The following TMOD2 variants were observed in gnomAD, a reference collection of about 807,000 sequenced individuals.
TMOD2 encodes the protein tropomodulin 2.
A neutral mutation model predicts 39.9 loss-of-function variants in TMOD2; 22 were observed. The observed-to-expected ratio is 0.55, with a 90% CI of 0.39 to 0.79. TMOD2 has a LOEUF of 0.79. TMOD2 is among the 30% of genes least tolerant of loss of function. TMOD2 has a pLI of 0.00. For synonymous variants in TMOD2, 123 were observed against 146.1 expected (o/e 0.84, Z 1.14); for missense variants, 386 against 413.3 (o/e 0.93, Z 0.57).
At position 51,766,506 on chromosome 15, in the gene TMOD2, G is replaced by A; in HGVS notation, c.65G>A (p.Gly22Asp). ...AACATTGATGAAGATGAGCTTCTTG[G>A]CAAACTCTCAGAAGAGGAACTGAAA... is the stretch of plus-strand genomic sequence containing the variant. ...YKNIDEDELLGKLSEEELKQL... is the reference protein window; with the variant it reads ...YKNIDEDELLDKLSEEELKQL... Residue 22 changes from glycine (G) to aspartate (D), a missense_variant, in exon 2 of 10, where the codon GGC (glycine) becomes GAC (aspartate). By Grantham distance (94) the Gly-to-Asp change is moderately conservative (BLOSUM62 -1). Transcript: ENST00000249700. 6.2e-7 allele frequency: 1 copy of A among 1,614,036 alleles called. No homozygotes were observed. The highest frequency in any genetic ancestry group is 8.5e-7 in the Non-Finnish European group (1 of 1,179,932).
Position 51,753,445 on chromosome 15 carries a change from A to G in TMOD2, c.-70+1733A>G, listed in dbSNP as rs76860368. Among the ~76,000 whole-genome samples, 8 of 152,276 alleles carry G rather than the reference A, an allele frequency of 5.3e-5. No homozygotes were observed. In the East Asian group the frequency reaches 1.5e-3, roughly 29 times the overall value. ...ACCTCTGTAGTGTTCCTGCAAAAAG[A>G]CTTGGCGATGGGGCAGAGCAAATGG... is the stretch of plus-strand genomic sequence containing the variant. On this transcript the variant is annotated intron_variant, in intron 1 of 9. Transcript: ENST00000249700.
intron 7 of TMOD2, among the ~76,000 whole-genome samples, chr15:51,795,631 TTTCTTTCTCC>T (rs1440062612): frequency 7.0e-6 from 1 of 143,884 alleles, no homozygotes; most frequent in African/African-American, 2.6e-5. Context: ...TCTTTCTTTC[TTTCTTTCTCC>T]TTCTGGAACT....
intron 3 of TMOD2, 41 bp from the exon 4 acceptor site, chr15:51,773,671 G>A (rs749059091): frequency 6.4e-7 from 1 of 1,566,784 alleles, no homozygotes; most frequent in South Asian, 1.2e-5. Context: ...TACCAATAAG[G>A]CAGTAGTACT....
intron 1 of TMOD2, among the ~76,000 whole-genome samples, chr15:51,761,346 G>A (rs1008460346): frequency 1.3e-5 from 2 of 152,184 alleles, no homozygotes; most frequent in African/African-American, 4.8e-5. Flanking sequence ...AGTGTTGGGA[G>A]TGTCTGACTG....
chr15:51,813,502 G>A lies in TMOD2; in HGVS notation c.*5048G>A, dbSNP rs997169504. On this transcript the variant is annotated 3_prime_UTR_variant, in exon 10 of 10. Coordinates refer to ENST00000249700, the MANE Select transcript of TMOD2 (RefSeq NM_014548.4). The stretch of plus-strand genomic sequence containing the variant: ...CTGAGCACATTGGCCCAGTTAGTTG[G>A]TATGGTGAAGGGGCACCGTACTAAC... 6.6e-6 allele frequency: 1 copy of A among 152,214 alleles called. No homozygotes were observed. Among genetic ancestry groups the A allele is most frequent in the African/African-American group, 2.4e-5 (1 of 41,444 alleles). The allele number at this position is 152,214 out of a possible 1,614,324, so 9.4% of individuals were successfully genotyped here.
At chr15:51,755,544 G>A (rs1439665556) in intron 1 of TMOD2, among the ~76,000 whole-genome samples, 1 of 152,174 alleles carries the variant, frequency 6.6e-6, no homozygotes, top group African/African-American at 2.4e-5. Flanking sequence ...GAGGAGAAAG[G>A]AGACAAGCTG....
At chr15:51,754,198 A>G (rs1567233180) in intron 1 of TMOD2, among the ~76,000 whole-genome samples, 1 of 152,168 alleles carries the variant, frequency 6.6e-6, no homozygotes. Context: ...CCCAAGAACC[A>G]TCCCGAAAGT....
At chr15:51,796,189 G>A (rs569456676) in intron 7 of TMOD2, among the ~76,000 whole-genome samples, 20 of 151,986 alleles carry the variant, frequency 1.3e-4, no homozygotes, top group African/African-American at 4.6e-4. Flanking sequence ...TAAAAAGGAG[G>A]CCCCTTTATT....
At chr15:51,771,049 G>A (rs1379598196) in intron 3 of TMOD2, among the ~76,000 whole-genome samples, 3 of 152,056 alleles carry the variant, frequency 2.0e-5, no homozygotes, top group Admixed American at 2.0e-4. Context: ...AGTGGCTATG[G>A]TAAATTATCT....
intron 1 of TMOD2, among the ~76,000 whole-genome samples, chr15:51,764,984 G>C (rs2093126583): frequency 6.6e-6 from 1 of 151,342 alleles, no homozygotes; most frequent in Non-Finnish European, 1.5e-5. Flanking sequence ...CTGTGATCTT[G>C]GGGAGAGGGG....
intron 3 of TMOD2, among the ~76,000 whole-genome samples, chr15:51,768,890 G>T (rs11636345): frequency 0.48 from 72,550 of 151,864 alleles, 17,642 homozygotes; most frequent in Admixed American, 0.54. Flanking sequence ...ATGAACTGGA[G>T]TCGGTGTTAA....
chr15:51,785,998 T>C (rs2055967293), intron 7 of TMOD2, among the ~76,000 whole-genome samples: 1 of 152,176 alleles, frequency 6.6e-6, no homozygotes, highest in Non-Finnish European at 1.5e-5. Context: ...ATAGTCATAG[T>C]ATAGTCTATA....
At chr15:51,767,998 T>C (rs938644099) in intron 2 of TMOD2, among the ~76,000 whole-genome samples, 1 of 152,200 alleles carries the variant, frequency 6.6e-6, no homozygotes, top group African/African-American at 2.4e-5. Flanking sequence ...CTCCATGTTT[T>C]AGGAGGCAGC....
chr15:51,788,273 G>T (rs1358283716), intron 7 of TMOD2, among the ~76,000 whole-genome samples: 1 of 152,172 alleles, frequency 6.6e-6, no homozygotes, highest in Non-Finnish European at 1.5e-5. Flanking sequence ...AAGGATATCA[G>T]TGATTGAAGT....
At chr15:51,755,921 G>A (rs1474184018) in intron 1 of TMOD2, among the ~76,000 whole-genome samples, 2 of 151,974 alleles carry the variant, frequency 1.3e-5, no homozygotes, top group Non-Finnish European at 2.9e-5. Context: ...AGGAAACCCG[G>A]TGCCAATCAG....
intron 1 of TMOD2, among the ~76,000 whole-genome samples, chr15:51,760,530 C>T (rs1188051115): frequency 1.3e-5 from 2 of 152,150 alleles, no homozygotes; most frequent in Non-Finnish European, 2.9e-5. Flanking sequence ...CTGGGCTGGG[C>T]GTGGTGGCTC....
In TMOD2 at chr15:51,806,416, C is replaced by T. The variant is rs1402047829; in HGVS notation, c.916C>T (p.Gln306Ter). Reference sequence around the variant, plus strand: ...AACAGCTGTAGAGATGGAAATTGCCCAGATGCTGGAGGAGAATTCAAGGAT... The same window carrying T: ...AACAGCTGTAGAGATGGAAATTGCCTAGATGCTGGAGGAGAATTCAAGGAT... ...LGTAVEMEIA[Q>*]MLEENSRILK... The change falls in exon 9 of 10, where the codon CAG (glutamine) becomes TAG (stop). Residue 306 changes from glutamine to a stop codon, truncating the protein, a stop_gained. Transcript: ENST00000249700. LOFTEE classifies it high-confidence loss of function. 1 of 1,614,182 alleles carries T rather than the reference C, an allele frequency of 6.2e-7. No homozygotes were observed. The highest frequency in any genetic ancestry group is 1.1e-5 in the South Asian group (1 of 91,084).
At chr15:51,794,417 T>C (rs1394047625) in intron 7 of TMOD2, among the ~76,000 whole-genome samples, 1 of 152,230 alleles carries the variant, frequency 6.6e-6, no homozygotes, top group Non-Finnish European at 1.5e-5. Context: ...CTGGTTGTTG[T>C]CTTTATGACT....
intron 7 of TMOD2, among the ~76,000 whole-genome samples, chr15:51,789,337 C>G (rs1175642768): frequency 2.0e-5 from 3 of 152,186 alleles, no homozygotes; most frequent in African/African-American, 4.8e-5. Context: ...GCACCCAATA[C>G]AGGAGCACCC....
Sources: allele counts gnomAD v4.1 joint callset (sites outside exome capture counted in the v4.1 genomes callset), GRCh38; gene constraint gnomAD v4.1.1; transcripts MANE v1.5; gene names NCBI Gene and HGNC (gene_info 2026-07-23, HGNC 2026-07-21).